NKAIN3: variants seen among roughly 807,000 people sequenced by gnomAD.
NKAIN3 encodes the protein sodium/potassium transporting ATPase interacting 3.
In NKAIN3, 25 loss-of-function variants were observed where a neutral mutation model predicts 30.2. The ratio of observed to expected loss-of-function variants is 0.83; its 90% CI spans 0.60 to 1.16. NKAIN3 has a LOEUF of 1.16. NKAIN3 is among the 50% of genes most tolerant of loss of function. NKAIN3 has a pLI of 0.00. For missense variants in NKAIN3, 225 were observed against 254.1 expected, an observed-to-expected ratio of 0.89 and a Z score of 0.78; for synonymous variants, 91 against 89.6, an observed-to-expected ratio of 1.02 and a Z score of -0.09.
intron 3 of NKAIN3, among the ~76,000 whole-genome samples, chr8:62,594,871 A>C (rs1810774469): frequency 6.8e-6 from 1 of 146,802 alleles, no homozygotes. Flanking sequence ...CTTTTTTGTC[A>C]ACAGGGTAAG....
chr8:62,606,928 C>T (rs1290674067), intron 3 of NKAIN3, among the ~76,000 whole-genome samples: 1 of 152,092 alleles, frequency 6.6e-6, no homozygotes, highest in African/African-American at 2.4e-5. Context: ...TTCCTACATA[C>T]AATTAATGCT....
At chr8:62,647,326 G>A (rs1812493610) in intron 3 of NKAIN3, among the ~76,000 whole-genome samples, 1 of 152,162 alleles carries the variant, frequency 6.6e-6, no homozygotes, top group South Asian at 2.1e-4. Flanking sequence ...CAAAGTGGCA[G>A]AACTACTTTT....
At chr8:62,307,296 C>T (rs1174058850) in intron 1 of NKAIN3, among the ~76,000 whole-genome samples, 3 of 148,754 alleles carry the variant, frequency 2.0e-5, no homozygotes, top group Non-Finnish European at 4.4e-5. Flanking sequence ...TTCTGAAAGT[C>T]AATGGAAATC....
At chr8:62,312,926 G>A (rs1484929954) in intron 1 of NKAIN3, among the ~76,000 whole-genome samples, 4 of 151,798 alleles carry the variant, frequency 2.6e-5, no homozygotes, top group South Asian at 2.1e-4. Context: ...CAGAGAGCTC[G>A]AAGTTGAATA....
intron 1 of NKAIN3, among the ~76,000 whole-genome samples, chr8:62,425,009 A>G (rs545129339): frequency 6.6e-6 from 1 of 152,040 alleles, no homozygotes; most frequent in East Asian, 1.9e-4. Flanking sequence ...CCTTGAGGAC[A>G]TTATGTTAAG....
chr8:62,278,383 T>G (rs1431932581), intron 1 of NKAIN3, among the ~76,000 whole-genome samples: 5 of 23,400 alleles, frequency 2.1e-4, no homozygotes, highest in African/African-American at 4.6e-4. Flanking sequence ...CTACTGCTGG[T>G]TTTTTTTTTT....
rs1227417135 is a variant in NKAIN3, at chr8:62,966,183, T to C, written c.*776T>C. 2.1e-5 allele frequency: 21 copies of C among 985,064 alleles called. No individual in the cohort carries two copies. The highest frequency in any genetic ancestry group is 2.5e-5 in the Non-Finnish European group (21 of 829,746). The allele number at this position is 985,064 out of a possible 1,614,324, so 61.0% of individuals were successfully genotyped here. On this transcript the variant is annotated 3_prime_UTR_variant, in exon 7 of 7. Transcript: ENST00000623646. Reference sequence around the variant, plus strand: ...CTGCTGTCAGACCTAAACATACAGCTCATGGGCTTGTGGGACAGAAATCAC... The same window carrying C: ...CTGCTGTCAGACCTAAACATACAGCCCATGGGCTTGTGGGACAGAAATCAC...
chr8:62,640,948 C>T (rs1812288271), intron 3 of NKAIN3, among the ~76,000 whole-genome samples: 1 of 152,046 alleles, frequency 6.6e-6, no homozygotes, highest in Non-Finnish European at 1.5e-5. Flanking sequence ...ATGTCTAACC[C>T]TCAGCATTAT....
intron 5 of NKAIN3, among the ~76,000 whole-genome samples, chr8:62,930,784 TG>T (rs1434065762): frequency 2.0e-5 from 3 of 151,352 alleles, no homozygotes; most frequent in Non-Finnish European, 2.9e-5. Context: ...GCTCACTGCA[TG>T]CTCTGCCTCC....
chr8:62,745,328 G>T (rs144190646), intron 3 of NKAIN3, among the ~76,000 whole-genome samples: 3 of 152,292 alleles, frequency 2.0e-5, no homozygotes, highest in Non-Finnish European at 4.4e-5. Flanking sequence ...AGTCACGTAC[G>T]GACCCTGCTC....
chr8:62,448,727 T>C (rs771716579), intron 1 of NKAIN3, among the ~76,000 whole-genome samples: 5 of 151,952 alleles, frequency 3.3e-5, no homozygotes, highest in Non-Finnish European at 7.4e-5. Flanking sequence ...GGAAGACTAT[T>C]GCTACAAGAA....
At position 62,947,347 on chromosome 8, in the gene NKAIN3, G is replaced by A. The variant is rs370242124; in HGVS notation, c.533-6555G>A. On this transcript the variant is annotated intron_variant, in intron 5 of 6. Transcript: ENST00000623646. ...TTTGGGGAAACAAACATGAATTAAA[G>A]TTCTAGTGAAGAAGAAGAATTAAAT... Among the ~76,000 whole-genome samples the A allele has an allele frequency of 1.4e-3, 209 of 152,326 alleles. 1 individual carries two copies. Among genetic ancestry groups the A allele is most frequent in the African/African-American group, 4.9e-3 (204 of 41,576 alleles).
At chr8:62,926,219 T>A (rs1822438343) in intron 5 of NKAIN3, among the ~76,000 whole-genome samples, 1 of 152,222 alleles carries the variant, frequency 6.6e-6, no homozygotes, top group Non-Finnish European at 1.5e-5. Flanking sequence ...AATAGTTTTA[T>A]CCTGGTTATT....
chr8:62,892,389 G>A (rs1034569480), intron 4 of NKAIN3, among the ~76,000 whole-genome samples: 1 of 152,234 alleles, frequency 6.6e-6, no homozygotes, highest in East Asian at 1.9e-4. Flanking sequence ...TGGAGAAAAA[G>A]GCAGACATTT....
intron 4 of NKAIN3, among the ~76,000 whole-genome samples, chr8:62,909,328 T>C (rs1412084876): frequency 8.5e-5 from 13 of 152,222 alleles, no homozygotes; most frequent in Non-Finnish European, 1.5e-4. Context: ...ATGGAATGTA[T>C]GCTATCAGAA....
intron 1 of NKAIN3, chr8:62,483,852 T>G (rs1217493283): frequency 1.1e-5 from 2 of 182,790 alleles, no homozygotes; most frequent in Non-Finnish European, 2.2e-5. Flanking sequence ...TAATCCTTCT[T>G]AAAATGGTCC....
At chr8:62,476,343 G>A (rs913657973) in intron 1 of NKAIN3, among the ~76,000 whole-genome samples, 8 of 152,002 alleles carry the variant, frequency 5.3e-5, no homozygotes, top group South Asian at 2.1e-4. Context: ...TTGTGGAAGC[G>A]TTGACTATTG....
chr8:62,328,515 A>T (rs1017210660), intron 1 of NKAIN3, among the ~76,000 whole-genome samples: 1 of 152,054 alleles, frequency 6.6e-6, no homozygotes, highest in East Asian at 1.9e-4. Context: ...ATATTATCTC[A>T]TAGAGATTTC....
chr8:62,376,951 T>C (rs541479322), intron 1 of NKAIN3, among the ~76,000 whole-genome samples: 4 of 152,272 alleles, frequency 2.6e-5, no homozygotes, highest in African/African-American at 9.6e-5. Context: ...GATTTTTCTA[T>C]ATATAACACA....
Sources: gnomAD v4.1 joint callset for allele counts (sites outside exome capture counted in the v4.1 genomes callset) on GRCh38, gnomAD v4.1.1 for gene constraint, MANE v1.5 for transcripts, NCBI Gene and HGNC (gene_info 2026-07-23, HGNC 2026-07-21) for gene names.